GALNTL6: variants seen among roughly 807,000 people sequenced by gnomAD.
GALNTL6 encodes polypeptide N-acetylgalactosaminyltransferase-like 6.
In GALNTL6, 46 loss-of-function variants were observed where a neutral mutation model predicts 73.7. That is an observed-to-expected ratio of 0.62 (90% CI 0.49 to 0.80). GALNTL6 has a LOEUF of 0.80. Ranked by LOEUF, GALNTL6 falls within the 30% of genes least tolerant of loss-of-function variation. The probability of loss-of-function intolerance (pLI) is 0.00; values close to 1 mark genes in which losing one functional copy is unlikely to be tolerated. For synonymous variants in GALNTL6, 259 were observed against 263.7 expected (o/e 0.98, Z 0.17); for missense variants, 604 against 755.0 (o/e 0.80, Z 2.34).
chr4:172,433,358 A>G (rs950786636), intron 5 of GALNTL6, among the ~76,000 whole-genome samples: 1 of 152,096 alleles, frequency 6.6e-6, no homozygotes, highest in Admixed American at 6.6e-5. Flanking sequence ...TTCCACCCTC[A>G]GCCCCCCGCC....
intron 10 of GALNTL6, among the ~76,000 whole-genome samples, chr4:172,999,372 C>G (rs1412180413): frequency 6.6e-6 from 1 of 152,140 alleles, no homozygotes; most frequent in Non-Finnish European, 1.5e-5. Flanking sequence ...GAAAAACCTT[C>G]CTCCTGCTCA....
chr4:173,019,110 G>A (rs138955823), intron 11 of GALNTL6, among the ~76,000 whole-genome samples: 1,825 of 152,274 alleles, frequency 0.012, 36 homozygotes, highest in African/African-American at 0.041. Context: ...GATTAGATGA[G>A]GATGGTAAGG....
At chr4:172,988,068 TAGTGGGCAGA>T (rs1238299116) in intron 10 of GALNTL6, among the ~76,000 whole-genome samples, 1 of 152,182 alleles carries the variant, frequency 6.6e-6, no homozygotes, top group Admixed American at 6.5e-5. Context: ...TGGAACTGGA[TAGTGGGCAGA>T]AGTTGGAACA....
chr4:172,573,949 G>T (rs1736863387), intron 5 of GALNTL6, among the ~76,000 whole-genome samples: 1 of 151,972 alleles, frequency 6.6e-6, no homozygotes, highest in South Asian at 2.1e-4. Context: ...GTAATACATT[G>T]CCCCTTGTTC....
chr4:172,662,022 G>C (rs1319389711), intron 5 of GALNTL6, among the ~76,000 whole-genome samples: 4 of 152,180 alleles, frequency 2.6e-5, no homozygotes, highest in Admixed American at 1.3e-4. Context: ...CTACAAGCCA[G>C]CAGCATTAGC....
chr4:172,758,136 TA>T (rs1258099913), intron 5 of GALNTL6, among the ~76,000 whole-genome samples: 1 of 152,222 alleles, frequency 6.6e-6, no homozygotes, highest in African/African-American at 2.4e-5. Context: ...TATGTACACA[TA>T]AACATCTATA....
chr4:172,380,162 T>A, intron 5 of GALNTL6: 1 of 1,043,904 alleles, frequency 9.6e-7, no homozygotes, highest in Non-Finnish European at 1.5e-6. Flanking sequence ...TAACAAGGCC[T>A]GGATCCGTAG....
chr4:172,717,805 A>G (rs1034115277), intron 5 of GALNTL6, among the ~76,000 whole-genome samples: 1 of 152,218 alleles, frequency 6.6e-6, no homozygotes, highest in East Asian at 1.9e-4. Flanking sequence ...GGACTCCCCA[A>G]AATATACTGA....
chr4:172,544,279 A>G (rs76084788), intron 5 of GALNTL6, among the ~76,000 whole-genome samples: 7 of 152,154 alleles, frequency 4.6e-5, no homozygotes, highest in South Asian at 2.1e-4. Flanking sequence ...GGTCTCAGGA[A>G]ACACAATATA....
At chr4:172,738,217 G>A (rs1357775455) in intron 5 of GALNTL6, among the ~76,000 whole-genome samples, 2 of 152,158 alleles carry the variant, frequency 1.3e-5, no homozygotes, top group Non-Finnish European at 2.9e-5. Flanking sequence ...GAGTTGAAGG[G>A]AGATTTTCCT....
intron 2 of GALNTL6, among the ~76,000 whole-genome samples, chr4:172,180,261 T>A (rs1735196279): frequency 6.6e-6 from 1 of 152,194 alleles, no homozygotes; most frequent in Non-Finnish European, 1.5e-5. Context: ...ACAGTGTCTG[T>A]TCATATCCTT....
intron 10 of GALNTL6, among the ~76,000 whole-genome samples, chr4:172,961,689 A>G (rs1429293615): frequency 2.0e-5 from 3 of 152,184 alleles, no homozygotes; most frequent in Admixed American, 2.0e-4. Flanking sequence ...CAAGATTGAA[A>G]GGAGAAAGAG....
intron 5 of GALNTL6, among the ~76,000 whole-genome samples, chr4:172,738,673 C>T (rs984142956): frequency 1.3e-5 from 2 of 152,078 alleles, no homozygotes; most frequent in African/African-American, 4.8e-5. Context: ...GACCATGGCC[C>T]ATGACACAGC....
chr4:172,488,753 A>G (rs1733785665), intron 5 of GALNTL6, among the ~76,000 whole-genome samples: 1 of 150,678 alleles, frequency 6.6e-6, no homozygotes, highest in Non-Finnish European at 1.5e-5. Context: ...GCGTCAAAGA[A>G]TTTACAGACA....
intron 5 of GALNTL6, among the ~76,000 whole-genome samples, chr4:172,574,941 C>T (rs1579203587): frequency 7.6e-4 from 1 of 1,324 alleles, no homozygotes; most frequent in South Asian, 0.042. Context: ...CGCACACATA[C>T]ACACACACAC....
intron 5 of GALNTL6, among the ~76,000 whole-genome samples, chr4:172,713,202 G>A (rs1340577710): frequency 1.3e-5 from 2 of 149,640 alleles, no homozygotes; most frequent in Non-Finnish European, 3.0e-5. Context: ...AAAAGAATAA[G>A]AGAACAACAA....
At chr4:172,234,581 A>G (rs554914810) in intron 3 of GALNTL6, among the ~76,000 whole-genome samples, 1 of 152,296 alleles carries the variant, frequency 6.6e-6, no homozygotes, top group South Asian at 2.1e-4. Context: ...TAACATAGAT[A>G]AATGTTCTCC....
At chr4:171,954,396 A>G (rs1368236003) in intron 2 of GALNTL6, among the ~76,000 whole-genome samples, 1 of 152,234 alleles carries the variant, frequency 6.6e-6, no homozygotes, top group African/African-American at 2.4e-5. Flanking sequence ...CTTGTGTTGT[A>G]TAGTTATACA....
Position 172,592,717 on chromosome 4 carries a change from G to A in GALNTL6, c.554-216644G>A, listed in dbSNP as rs144412170. On this transcript the variant is annotated intron_variant, in intron 5 of 12. Coordinates refer to ENST00000506823, the MANE Select transcript of GALNTL6 (RefSeq NM_001034845.3). ...CTATCTATCTATCTATCTATCTATCGAGAGAGACTATGAGAGGATCCTGGG... is the reference window on the plus strand; with the variant it reads ...CTATCTATCTATCTATCTATCTATCAAGAGAGACTATGAGAGGATCCTGGG... Among the ~76,000 whole-genome samples the A allele has an allele frequency of 8.5e-5, 7 of 82,402 alleles. No individual in the cohort carries two copies. In the East Asian group the frequency reaches 2.8e-3, roughly 33 times the overall value. 54.1% of individuals were successfully genotyped at this position (82,402 alleles called of 152,430 possible).
Sources: allele counts gnomAD v4.1 joint callset (sites outside exome capture counted in the v4.1 genomes callset), GRCh38; gene constraint gnomAD v4.1.1; transcripts MANE v1.5; gene names NCBI Gene and HGNC (gene_info 2026-07-23, HGNC 2026-07-21).